The following GPC5 variants were observed in gnomAD, a reference collection of about 807,000 sequenced individuals.
GPC5 encodes glypican 5.
In GPC5, 47 loss-of-function variants were observed where a neutral mutation model predicts 53.9. The observed-to-expected ratio is 0.87, with a 90% confidence interval of 0.69 to 1.11. The LOEUF is 1.11. Ranked by LOEUF, GPC5 falls within the 50% of genes most tolerant of loss-of-function variation. The pLI is 0.00. For missense variants in GPC5, 748 were observed against 713.1 expected (o/e 1.05, Z -0.56); for synonymous variants, 286 against 263.3 (o/e 1.09, Z -0.84).
chr13:92,781,341 CT>C (rs572690268), intron 7 of GPC5, among the ~76,000 whole-genome samples: 27 of 151,740 alleles, frequency 1.8e-4, no homozygotes, highest in African/African-American at 4.8e-4. Flanking sequence ...TTTCCTTTCA[CT>C]TTTTTTTCAT....
chr13:91,449,566 T>C (rs897122416), intron 2 of GPC5, among the ~76,000 whole-genome samples: 2 of 152,116 alleles, frequency 1.3e-5, no homozygotes, highest in Non-Finnish European at 2.9e-5. Context: ...ACTCTTTAAA[T>C]TTCCTTGCTC....
chr13:92,481,891 C>T (rs111412480), intron 7 of GPC5, among the ~76,000 whole-genome samples: 15 of 151,920 alleles, frequency 9.9e-5, no homozygotes, highest in African/African-American at 2.9e-4. Context: ...CACTTTGGGA[C>T]GCAGAGGTGG....
intron 7 of GPC5, among the ~76,000 whole-genome samples, chr13:92,734,634 T>A (rs986208314): frequency 6.6e-6 from 1 of 151,940 alleles, no homozygotes; most frequent in Admixed American, 6.6e-5. Flanking sequence ...CCATTCTCAC[T>A]CTTAGTCCAT....
chr13:92,100,303 TGAGGCAGAGAATTGCTTTAACCTGG>T (rs1394363126), intron 6 of GPC5, among the ~76,000 whole-genome samples: 2 of 152,054 alleles, frequency 1.3e-5, no homozygotes, highest in Non-Finnish European at 2.9e-5. Flanking sequence ...TTTGAGAGGC[TGAGGCAGAGAATTGCTTTAACCTGG>T]GAGGCAGAGG....
intron 5 of GPC5, among the ~76,000 whole-genome samples, chr13:91,792,918 A>G (rs1410833038): frequency 4.6e-5 from 7 of 152,206 alleles, no homozygotes; most frequent in Admixed American, 6.5e-5. Context: ...TAATGTGGAC[A>G]GATGACCCTG....
chr13:92,357,931 A>T (rs2043536209), intron 7 of GPC5, among the ~76,000 whole-genome samples: 1 of 151,444 alleles, frequency 6.6e-6, no homozygotes, highest in Non-Finnish European at 1.5e-5. Flanking sequence ...ACCAAATCTC[A>T]TGTTCTTCAC....
chr13:92,182,632 C>T (rs2042154730), intron 7 of GPC5, among the ~76,000 whole-genome samples: 1 of 151,938 alleles, frequency 6.6e-6, no homozygotes, highest in Non-Finnish European at 1.5e-5. Flanking sequence ...TATGGGAGGC[C>T]GAGGTGGGCA....
At chr13:92,653,390 A>C (rs1410154784) in intron 7 of GPC5, among the ~76,000 whole-genome samples, 1 of 152,206 alleles carries the variant, frequency 6.6e-6, no homozygotes, top group African/African-American at 2.4e-5. Flanking sequence ...AGAGTTGTTG[A>C]TAGGGAGCAT....
At chr13:92,557,234 C>A (rs1203037794) in intron 7 of GPC5, among the ~76,000 whole-genome samples, 4 of 151,752 alleles carry the variant, frequency 2.6e-5, no homozygotes, top group Non-Finnish European at 5.9e-5. Context: ...CCAGCTTGAT[C>A]AGTGATAGCA....
At chr13:92,054,034 A>G (rs2041053251) in intron 6 of GPC5, among the ~76,000 whole-genome samples, 1 of 37,850 alleles carries the variant, frequency 2.6e-5, no homozygotes, top group South Asian at 1.2e-3. Context: ...TTCCATTTCA[A>G]ATAAATAAAT....
chr13:92,061,213 T>A (rs1195510340), intron 6 of GPC5, among the ~76,000 whole-genome samples: 1 of 152,022 alleles, frequency 6.6e-6, no homozygotes, highest in African/African-American at 2.4e-5. Flanking sequence ...AGAGATGATA[T>A]AACGTATCTA....
intron 7 of GPC5, among the ~76,000 whole-genome samples, chr13:92,451,310 T>G (rs2139398691): frequency 6.6e-6 from 1 of 152,266 alleles, no homozygotes; most frequent in East Asian, 1.9e-4. Flanking sequence ...ATCAGTTAAC[T>G]GACTTGTTCC....
chr13:92,108,172 T>G (rs2041525140), intron 6 of GPC5, among the ~76,000 whole-genome samples: 1 of 152,148 alleles, frequency 6.6e-6, no homozygotes, highest in Non-Finnish European at 1.5e-5. Context: ...TTCTTGAAAT[T>G]CCTTCATTCT....
rs910586521 is a variant in GPC5, at chr13:91,413,007, C to T, written c.163+13798C>T. Among the ~76,000 whole-genome samples the T allele has an allele frequency of 5.3e-5, 8 of 152,176 alleles. No homozygotes were observed. In the East Asian group the frequency reaches 1.5e-3, roughly 29 times the overall value. ...ATAAATAACCAAAGTAGAGGCCTAG[C>T]TTGGTGGCTCACGCCTGTAATCTGA... On this transcript the variant is annotated intron_variant, in intron 1 of 7. Transcript: ENST00000377067.
chr13:92,595,370 T>C (rs1264266969), intron 7 of GPC5, among the ~76,000 whole-genome samples: 1 of 152,330 alleles, frequency 6.6e-6, no homozygotes, highest in East Asian at 1.9e-4. Flanking sequence ...ATGAGCTTAT[T>C]ATTGATGTCT....
intron 6 of GPC5, among the ~76,000 whole-genome samples, chr13:92,082,674 A>G (rs2041305880): frequency 6.6e-6 from 1 of 152,224 alleles, no homozygotes; most frequent in African/African-American, 2.4e-5. Context: ...TTTGTAATTG[A>G]TAAATAAGAG....
chr13:92,813,319 T>C (rs1276995642), intron 7 of GPC5, among the ~76,000 whole-genome samples: 3 of 151,950 alleles, frequency 2.0e-5, no homozygotes, highest in Non-Finnish European at 2.9e-5. Context: ...AATCTTTTTT[T>C]TAGTTCTGAT....
At chr13:92,337,439 T>C (rs1358785042) in intron 7 of GPC5, among the ~76,000 whole-genome samples, 1 of 152,138 alleles carries the variant, frequency 6.6e-6, no homozygotes, top group Non-Finnish European at 1.5e-5. Context: ...AGGATGATTC[T>C]AATGTTTATA....
At chr13:91,593,877 A>C (rs2032897100) in intron 2 of GPC5, among the ~76,000 whole-genome samples, 1 of 152,088 alleles carries the variant, frequency 6.6e-6, no homozygotes, top group Non-Finnish European at 1.5e-5. Context: ...CTTTCTGGCC[A>C]TGATTAACCA....
Sources: allele counts gnomAD v4.1 joint callset (sites outside exome capture counted in the v4.1 genomes callset), GRCh38; gene constraint gnomAD v4.1.1; transcripts MANE v1.5; gene names NCBI Gene and HGNC (gene_info 2026-07-23, HGNC 2026-07-21).